Variants in SH3RF3 observed in about 807,000 individuals in gnomAD.
SH3RF3 encodes the protein SH3 domain containing ring finger 3.
In SH3RF3, 29 loss-of-function variants were observed where a neutral mutation model predicts 66.3. The ratio of observed to expected loss-of-function variants is 0.44; its 90% CI spans 0.33 to 0.60. SH3RF3 has a LOEUF of 0.60. Among genes scored for constraint, SH3RF3 ranks in the 20% least tolerant of loss-of-function variants. The pLI is 0.04. For synonymous variants in SH3RF3, 583 were observed against 532.0 expected (o/e 1.10, Z -1.32); for missense variants, 1,194 against 1,190.9 (o/e 1.00, Z -0.04).
At chr2:109,472,169 A>T (rs1678533853) in intron 8 of SH3RF3, among the ~76,000 whole-genome samples, 1 of 152,236 alleles carries the variant, frequency 6.6e-6, no homozygotes. Flanking sequence ...GCAGCTCCTT[A>T]TAGAAATGTA....
intron 8 of SH3RF3, among the ~76,000 whole-genome samples, chr2:109,457,116 C>T (rs567763991): frequency 3.3e-5 from 5 of 152,300 alleles, no homozygotes; most frequent in African/African-American, 1.2e-4. Context: ...GAAATGGGGA[C>T]GATAGCACCT....
intron 1 of SH3RF3, among the ~76,000 whole-genome samples, chr2:109,132,541 G>A (rs1452035546): frequency 6.6e-6 from 1 of 152,166 alleles, no homozygotes; most frequent in African/African-American, 2.4e-5. Flanking sequence ...AGTTAACGAT[G>A]CTGCCCCTGG....
chr2:109,503,670 G>A lies in SH3RF3; in HGVS notation c.*1999G>A, dbSNP rs1003427935. On this transcript the variant is annotated 3_prime_UTR_variant, in exon 10 of 10. Coordinates refer to ENST00000309415, the MANE Select transcript of SH3RF3 (RefSeq NM_001099289.3). ...AAAGAGGTGCACAGATCAACAACCT[G>A]GATGACGCAGGTGTTCTCCAGGGAA... is the stretch of plus-strand genomic sequence containing the variant. The A allele has an allele frequency of 2.6e-5, 4 of 152,190 alleles. No individual in the cohort carries two copies. Among genetic ancestry groups the A allele is most frequent in the African/African-American group, 9.7e-5 (4 of 41,430 alleles). The allele number at this position is 152,190 out of a possible 1,614,324, so 9.4% of individuals were successfully genotyped here.
intron 1 of SH3RF3, among the ~76,000 whole-genome samples, chr2:109,294,589 T>TA (rs35974168): frequency 0.12 from 16,514 of 141,320 alleles, 1,057 homozygotes; most frequent in East Asian, 0.16. Flanking sequence ...AAAAAAAAGG[T>TA]AAAAAAAAAA....
chr2:109,453,178 TG>T (rs965802928), intron 8 of SH3RF3, among the ~76,000 whole-genome samples: 2 of 152,154 alleles, frequency 1.3e-5, no homozygotes, highest in Non-Finnish European at 2.9e-5. Context: ...AGCTCCTCTC[TG>T]GGCCCAGGCA....
chr2:109,500,804 G>A (rs1408369323), intron 9 of SH3RF3, among the ~76,000 whole-genome samples: 1 of 151,998 alleles, frequency 6.6e-6, no homozygotes, highest in African/African-American at 2.4e-5. Context: ...ATTAGAAATT[G>A]GCTGGGCATG....
chr2:109,149,351 CA>C (rs1364718357), intron 1 of SH3RF3, among the ~76,000 whole-genome samples: 2 of 152,200 alleles, frequency 1.3e-5, no homozygotes, highest in Admixed American at 6.5e-5. Flanking sequence ...TCCATTTAAT[CA>C]AGAGTCAAGT....
chr2:109,405,060 C>G (rs1463877145), intron 4 of SH3RF3, among the ~76,000 whole-genome samples: 1 of 151,484 alleles, frequency 6.6e-6, no homozygotes, highest in South Asian at 2.1e-4. Context: ...CACAAATACC[C>G]CCCACCTTCT....
chr2:109,292,817 C>T (rs1339238753), intron 1 of SH3RF3, among the ~76,000 whole-genome samples: 1 of 152,220 alleles, frequency 6.6e-6, no homozygotes, highest in African/African-American at 2.4e-5. Flanking sequence ...ACTGCAACCT[C>T]TGCCTCCCAG....
At chr2:109,487,988 G>T (rs1039516237) in intron 8 of SH3RF3, among the ~76,000 whole-genome samples, 1 of 152,242 alleles carries the variant, frequency 6.6e-6, no homozygotes, top group Non-Finnish European at 1.5e-5. Context: ...CCCCTTCATG[G>T]TGAAGAGGAA....
intron 3 of SH3RF3, among the ~76,000 whole-genome samples, chr2:109,385,671 C>T (rs1479071846): frequency 6.6e-6 from 1 of 152,236 alleles, no homozygotes; most frequent in African/African-American, 2.4e-5. Flanking sequence ...AGGCAGGGAG[C>T]ACCCCACACA....
At chr2:109,348,285 A>G (rs1016881683) in intron 2 of SH3RF3, among the ~76,000 whole-genome samples, 3 of 152,226 alleles carry the variant, frequency 2.0e-5, no homozygotes, top group Non-Finnish European at 4.4e-5. Flanking sequence ...ACCCAGGTGC[A>G]GCAGAATGAC....
At chr2:109,385,069 CTCTGTCCCTTCA>C (rs1158067463) in intron 3 of SH3RF3, among the ~76,000 whole-genome samples, 1 of 152,232 alleles carries the variant, frequency 6.6e-6, no homozygotes, top group African/African-American at 2.4e-5. Flanking sequence ...GCTGGCCTTC[CTCTGTCCCTTCA>C]TCTGTCCCTT....
At chr2:109,260,585 T>C (rs1680325491) in intron 1 of SH3RF3, among the ~76,000 whole-genome samples, 1 of 152,146 alleles carries the variant, frequency 6.6e-6, no homozygotes, top group South Asian at 2.1e-4. Context: ...CCCGATCTTG[T>C]ATGTGGAGTG....
At chr2:109,391,780 C>T (rs1297907695) in intron 3 of SH3RF3, among the ~76,000 whole-genome samples, 1 of 152,152 alleles carries the variant, frequency 6.6e-6, no homozygotes, top group Non-Finnish European at 1.5e-5. Context: ...GGCATCTGTC[C>T]CATATGAGAA....
intron 1 of SH3RF3, among the ~76,000 whole-genome samples, chr2:109,314,365 G>A (rs1681819869): frequency 6.6e-6 from 1 of 152,214 alleles, no homozygotes; most frequent in Non-Finnish European, 1.5e-5. Context: ...CTCCGTTGAA[G>A]GGTGAATCCC....
At chr2:109,422,445 C>T (rs1177411286) in intron 5 of SH3RF3, among the ~76,000 whole-genome samples, 1 of 152,168 alleles carries the variant, frequency 6.6e-6, no homozygotes, top group Non-Finnish European at 1.5e-5. Flanking sequence ...ATGTTCTTGC[C>T]CCTTCTTCCA....
At chr2:109,349,869 C>T (rs1004044568) in intron 2 of SH3RF3, among the ~76,000 whole-genome samples, 2 of 152,256 alleles carry the variant, frequency 1.3e-5, no homozygotes, top group Non-Finnish European at 2.9e-5. Flanking sequence ...AGGCTGAAGG[C>T]TAGAGCCCAC....
intron 1 of SH3RF3, among the ~76,000 whole-genome samples, chr2:109,208,004 G>T (rs1001312070): frequency 6.6e-6 from 1 of 152,144 alleles, no homozygotes; most frequent in Admixed American, 6.5e-5. Context: ...ATTCTGGTGA[G>T]ATTTAAAAGA....
Sources: allele counts gnomAD v4.1 joint callset (sites outside exome capture counted in the v4.1 genomes callset), GRCh38; gene constraint gnomAD v4.1.1; transcripts MANE v1.5; gene names NCBI Gene and HGNC (gene_info 2026-07-23, HGNC 2026-07-21).